Variants in FRMD4B observed in about 807,000 individuals in gnomAD.
FRMD4B encodes FERM domain-containing protein 4B.
Under a neutral mutation model 141.5 loss-of-function variants are expected in FRMD4B, and 74 were observed. The observed-to-expected ratio is 0.52, with a 90% confidence interval of 0.43 to 0.63. FRMD4B has a LOEUF of 0.63. FRMD4B is among the 30% of genes least tolerant of loss of function. FRMD4B has a pLI of 0.00. For synonymous variants in FRMD4B, 506 were observed against 467.9 expected (o/e 1.08, Z -1.05); for missense variants, 1,366 against 1,253.4 (o/e 1.09, Z -1.36).
intron 3 of FRMD4B, among the ~76,000 whole-genome samples, chr3:69,304,010 G>A (rs2107178763): frequency 6.6e-6 from 1 of 152,068 alleles, no homozygotes; most frequent in Middle Eastern, 3.4e-3. Flanking sequence ...TACAGGGTCG[G>A]TGCTAGGCAC....
intron 1 of FRMD4B, among the ~76,000 whole-genome samples, chr3:69,467,103 C>T (rs1213415341): frequency 6.6e-6 from 1 of 152,128 alleles, no homozygotes; most frequent in Non-Finnish European, 1.5e-5. Flanking sequence ...ATCTCTCTCC[C>T]CCAGAGGTCC....
chr3:69,538,508 A>G (rs1303344233), intron 1 of FRMD4B, among the ~76,000 whole-genome samples: 1 of 152,046 alleles, frequency 6.6e-6, no homozygotes, highest in Admixed American at 6.6e-5. Context: ...AAATTACAGA[A>G]CTCTTATAAC....
intron 5 of FRMD4B, among the ~76,000 whole-genome samples, chr3:69,261,409 C>G (rs558951233): frequency 1.3e-5 from 2 of 152,346 alleles, no homozygotes; most frequent in Non-Finnish European, 2.9e-5. Context: ...AGGATTATGA[C>G]TGCTTTTAGT....
intron 1 of FRMD4B, among the ~76,000 whole-genome samples, chr3:69,516,999 T>C (rs956275721): frequency 1.3e-5 from 2 of 152,206 alleles, no homozygotes; most frequent in African/African-American, 4.8e-5. Context: ...AGGGTAGCAT[T>C]GTTACTGCAC....
chr3:69,419,833 T>C (rs769049125), intron 2 of FRMD4B, among the ~76,000 whole-genome samples: 4 of 152,056 alleles, frequency 2.6e-5, no homozygotes, highest in African/African-American at 4.8e-5. Context: ...CAGGAAGAGA[T>C]GTTTGGGTTT....
chr3:69,494,827 G>A (rs1042479489), intron 1 of FRMD4B, among the ~76,000 whole-genome samples: 1 of 151,942 alleles, frequency 6.6e-6, no homozygotes, highest in African/African-American at 2.4e-5. Flanking sequence ...GGGAGGCAGA[G>A]GTTGCAGTGA....
intron 3 of FRMD4B, among the ~76,000 whole-genome samples, chr3:69,304,244 G>C (rs962792043): frequency 9.2e-5 from 14 of 151,858 alleles, no homozygotes; most frequent in Non-Finnish European, 1.8e-4. Context: ...GGCACTTTGG[G>C]AGGCCGAGGT....
intron 1 of FRMD4B, among the ~76,000 whole-genome samples, chr3:69,496,912 T>G (rs1706411250): frequency 6.6e-6 from 1 of 151,576 alleles, no homozygotes; most frequent in Non-Finnish European, 1.5e-5. Context: ...TTTTTTATTA[T>G]TATCAATTGT....
intron 1 of FRMD4B, among the ~76,000 whole-genome samples, chr3:69,462,223 C>T (rs759939561): frequency 1.6e-4 from 24 of 152,090 alleles, no homozygotes; most frequent in Admixed American, 6.6e-4. Flanking sequence ...TCAGTCTTGC[C>T]GGGAACTGTC....
intron 1 of FRMD4B, among the ~76,000 whole-genome samples, chr3:69,374,231 T>C (rs2314983): frequency 0.011 from 1,659 of 152,292 alleles, 18 homozygotes; most frequent in African/African-American, 0.038. Flanking sequence ...TCTTATTTTA[T>C]CTTTTTATAG....
intron 1 of FRMD4B, among the ~76,000 whole-genome samples, chr3:69,315,140 T>C (rs942474602): frequency 3.9e-5 from 6 of 152,224 alleles, no homozygotes; most frequent in Non-Finnish European, 7.3e-5. Context: ...AGTTAAGATA[T>C]ATAGTTAAGA....
intron 1 of FRMD4B, 148 bp downstream of exon 1, chr3:69,385,680 G>C: frequency 1.6e-6 from 1 of 613,918 alleles, no homozygotes; most frequent in Non-Finnish European, 2.6e-6. Flanking sequence ...TAATTACCTA[G>C]AGCTGCTGAG....
At chr3:69,397,392 A>G (rs944924254) in intron 2 of FRMD4B, among the ~76,000 whole-genome samples, 1 of 152,230 alleles carries the variant, frequency 6.6e-6, no homozygotes, top group Non-Finnish European at 1.5e-5. Flanking sequence ...ATGATCTGAA[A>G]TTAGATAATG....
At chr3:69,416,284 T>G (rs539832768) in intron 2 of FRMD4B, among the ~76,000 whole-genome samples, 1 of 152,192 alleles carries the variant, frequency 6.6e-6, no homozygotes. Flanking sequence ...TAAAAATTTT[T>G]TTGTAGAGAC....
intron 19 of FRMD4B, among the ~76,000 whole-genome samples, chr3:69,184,658 A>G (rs1354412426): frequency 1.3e-5 from 2 of 152,220 alleles, no homozygotes; most frequent in Non-Finnish European, 2.9e-5. Flanking sequence ...TTTTTAAGAC[A>G]ATGATTCCCA....
intron 7 of FRMD4B, among the ~76,000 whole-genome samples, chr3:69,227,599 T>A (rs2093266509): frequency 6.6e-6 from 1 of 151,390 alleles, no homozygotes; most frequent in Admixed American, 6.6e-5. Flanking sequence ...GAGGCGGAAG[T>A]TGCAGTGAGC....
intron 5 of FRMD4B, among the ~76,000 whole-genome samples, chr3:69,276,347 G>A (rs1268137468): frequency 1.3e-5 from 2 of 151,956 alleles, no homozygotes; most frequent in South Asian, 2.1e-4. Flanking sequence ...GTCATGGTTC[G>A]CTGCAGCCTG....
intron 4 of FRMD4B, among the ~76,000 whole-genome samples, chr3:69,289,995 G>C (rs139635114): frequency 2.6e-5 from 4 of 152,258 alleles, no homozygotes; most frequent in Non-Finnish European, 4.4e-5. Flanking sequence ...AGGCAACTTG[G>C]AAGTGTGTCC....
chr3:69,292,474 T>C (rs1169593390), intron 4 of FRMD4B, among the ~76,000 whole-genome samples: 1 of 152,228 alleles, frequency 6.6e-6, no homozygotes, highest in Non-Finnish European at 1.5e-5. Context: ...TATTAGAAAC[T>C]GGGTTCACCT....
Sources: allele counts gnomAD v4.1 joint callset (sites outside exome capture counted in the v4.1 genomes callset), GRCh38; gene constraint gnomAD v4.1.1; transcripts MANE v1.5; gene names NCBI Gene and HGNC (gene_info 2026-07-23, HGNC 2026-07-21).